The following GASK1A variants were observed in gnomAD, a reference collection of about 807,000 sequenced individuals.
The protein encoded by GASK1A is golgi associated kinase 1A.
In GASK1A, 40 loss-of-function variants were observed where a neutral mutation model predicts 41.2. That is an observed-to-expected ratio of 0.97 (90% CI 0.75 to 1.27). GASK1A has a LOEUF of 1.27. Ranked by LOEUF, GASK1A falls within the 50% of genes most tolerant of loss-of-function variation. The probability of loss-of-function intolerance (pLI) is 0.00; values close to 1 mark genes in which losing one functional copy is unlikely to be tolerated. For synonymous variants in GASK1A, 316 were observed against 307.1 expected (o/e 1.03, Z -0.30); for missense variants, 678 against 745.1 (o/e 0.91, Z 1.05).
chr3:43,055,314 A>G (rs1041513831), intron 3 of GASK1A, 118 bp from the exon 4 acceptor site: 37 of 672,000 alleles, frequency 5.5e-5, no homozygotes, highest in Non-Finnish European at 1.0e-5. Context: ...GTTTGTTAGG[A>G]TGGACTGTGG....
rs2089715977 is a variant in GASK1A at position 43,056,306 on chromosome 3, A to AG, written c.1648_1649insG (p.Thr550SerfsTer33). ...CCAGGGGCTGAAGCAGGTCCTCCAG[A>AG]CCCTGGAGCAGCGAGGACAGGTGCT... On this transcript the variant is annotated frameshift_variant, in exon 5 of 5. Transcript: ENST00000430121. LOFTEE classifies it high-confidence loss of function. The AG allele has an allele frequency of 1.3e-6, 2 of 1,551,452 alleles. No individual in the cohort carries two copies. Among genetic ancestry groups the AG allele is most frequent in the African/African-American group, 2.7e-5 (2 of 73,022 alleles).
intron 2 of GASK1A, 41 bp from the exon 3 acceptor site, chr3:43,053,480 G>T (rs1162244370): frequency 6.7e-7 from 1 of 1,499,252 alleles, no homozygotes; most frequent in Middle Eastern, 1.8e-4. Flanking sequence ...GTGGAGGCAG[G>T]CCCCCTGCCG....
At chr3:43,009,522 G>C (rs888466927) in intron 1 of GASK1A, among the ~76,000 whole-genome samples, 1 of 152,208 alleles carries the variant, frequency 6.6e-6, no homozygotes, top group Non-Finnish European at 1.5e-5. Context: ...GTCTCTGCAG[G>C]CTGGAGGCCA....
At chr3:43,044,285 G>A (rs998993418) in intron 2 of GASK1A, among the ~76,000 whole-genome samples, 1 of 152,158 alleles carries the variant, frequency 6.6e-6, no homozygotes, top group Non-Finnish European at 1.5e-5. Context: ...CAGATATGTT[G>A]CGCTCCAAAC....
At chr3:43,015,975 T>G (rs1230000776) in intron 1 of GASK1A, among the ~76,000 whole-genome samples, 9 of 124,312 alleles carry the variant, frequency 7.2e-5, no homozygotes, top group East Asian at 2.4e-4. Context: ...ACAGGAAGGG[T>G]CTGTGTGAAG....
intron 1 of GASK1A, among the ~76,000 whole-genome samples, chr3:43,029,681 G>A (rs2089565069): frequency 6.6e-6 from 1 of 152,176 alleles, no homozygotes. Flanking sequence ...GGGAGATGCT[G>A]GCCTCATGTC....
At chr3:43,039,831 T>A (rs2089626672) in intron 2 of GASK1A, among the ~76,000 whole-genome samples, 1 of 152,220 alleles carries the variant, frequency 6.6e-6, no homozygotes, top group African/African-American at 2.4e-5. Flanking sequence ...GATTATGGCC[T>A]CCAGCTCCAT....
chr3:43,038,160 G>A (rs889560039), intron 2 of GASK1A, among the ~76,000 whole-genome samples: 14 of 152,160 alleles, frequency 9.2e-5, no homozygotes, highest in African/African-American at 3.1e-4. Context: ...AACTTTTCGT[G>A]ACTCACACCA....
intron 1 of GASK1A, among the ~76,000 whole-genome samples, chr3:43,005,536 G>C (rs528359176): frequency 2.6e-5 from 4 of 152,228 alleles, no homozygotes; most frequent in African/African-American, 9.6e-5. Flanking sequence ...TTATCAGATG[G>C]CTATTGGAGT....
chr3:42,985,546 C>CGTGT (rs56195274), intron 1 of GASK1A, among the ~76,000 whole-genome samples: 7,619 of 134,688 alleles, frequency 0.057, 400 homozygotes, highest in African/African-American at 0.14. Context: ...CCTGTGCATA[C>CGTGT]GTGTGTGTGT....
At chr3:43,000,539 A>G (rs567124909) in intron 1 of GASK1A, among the ~76,000 whole-genome samples, 1 of 152,320 alleles carries the variant, frequency 6.6e-6, no homozygotes, top group Non-Finnish European at 1.5e-5. Flanking sequence ...TGCCTACAAG[A>G]CCATGCATTT....
rs1215696075 is a variant in GASK1A, at chr3:43,056,176, G to A, written c.1518G>A (p.Gly506=). 1 of 1,549,220 alleles carries A rather than the reference G, an allele frequency of 6.5e-7. No homozygotes were observed. Among genetic ancestry groups the A allele is most frequent in the South Asian group, 1.2e-5 (1 of 83,928 alleles). ...LNFRLLEGID[G]FPESAVKVLA... ...CGGGGCTCTGGGGCCTTTGCTCCAG[G>A]TTTCCTGAGTCTGCCGTGAAGGTTC... is the stretch of plus-strand genomic sequence containing the variant. Residue 506 remains glycine, a splice_region_variant and synonymous_variant, in exon 5 of 5, where the codon GGG becomes GGA. Coordinates refer to ENST00000430121, the MANE Select transcript of GASK1A (RefSeq NM_001129908.3).
At chr3:43,010,960 T>C (rs1386761365) in intron 1 of GASK1A, among the ~76,000 whole-genome samples, 1 of 152,170 alleles carries the variant, frequency 6.6e-6, no homozygotes, top group Non-Finnish European at 1.5e-5. Flanking sequence ...CATGGACCTT[T>C]AGCCTCTTAC....
At chr3:43,039,664 C>T (rs1357308387) in intron 2 of GASK1A, among the ~76,000 whole-genome samples, 7 of 152,166 alleles carry the variant, frequency 4.6e-5, no homozygotes, top group Admixed American at 4.6e-4. Flanking sequence ...TCGATCCTCT[C>T]CCTCCACCTT....
intron 2 of GASK1A, chr3:43,037,190 GT>G (rs2089608811): frequency 2.6e-6 from 3 of 1,141,716 alleles, no homozygotes; most frequent in Middle Eastern, 4.0e-4. Flanking sequence ...AAGAACCTAA[GT>G]CAAAATCTGG....
chr3:43,030,350 G>A (rs2089568433), intron 1 of GASK1A, among the ~76,000 whole-genome samples: 1 of 152,216 alleles, frequency 6.6e-6, no homozygotes. Context: ...ACTCAGAGAT[G>A]ACCTGGATTA....
intron 2 of GASK1A, among the ~76,000 whole-genome samples, chr3:43,051,951 T>G (rs2089693393): frequency 6.6e-6 from 1 of 152,072 alleles, no homozygotes. Flanking sequence ...GGGATCAGAG[T>G]GTCCAATCTA....
rs182611839 is a variant in GASK1A, at chr3:43,011,806, A to T, written c.4-20461A>T. On this transcript the variant is annotated intron_variant, in intron 1 of 4. Coordinates refer to ENST00000430121, the MANE Select transcript of GASK1A (RefSeq NM_001129908.3). ...ACAGGAGGAGGCTGTGTGAAGCCAC[A>T]GGGTCAGTATGAAGCCACAGGAAGA... Among the ~76,000 whole-genome samples, 113 of 151,366 alleles carry T rather than the reference A, an allele frequency of 7.5e-4. 1 individual carries two copies. The highest frequency in any genetic ancestry group is 2.3e-3 in the Admixed American group (35 of 15,210).
rs893633726 is a variant in GASK1A at position 43,023,356 on chromosome 3, C to A, written c.4-8911C>A. Among the ~76,000 whole-genome samples, 96 of 152,170 alleles carry A rather than the reference C, an allele frequency of 6.3e-4. 1 individual carries two copies. Among genetic ancestry groups the A allele is most frequent in the Admixed American group, 5.2e-4 (8 of 15,280 alleles). On this transcript the variant is annotated intron_variant, in intron 1 of 4. Transcript: ENST00000430121. ...ACACCTTGATTTTGACCCGGTGAAA[C>A]TGATGTGGAACTTCTGGCCTCCAGA...
Sources: allele counts gnomAD v4.1 joint callset (sites outside exome capture counted in the v4.1 genomes callset), GRCh38; gene constraint gnomAD v4.1.1; transcripts MANE v1.5; gene names NCBI Gene and HGNC (gene_info 2026-07-23, HGNC 2026-07-21).